The following ZNF503 variants were observed in gnomAD, a reference collection of about 807,000 sequenced individuals.
ZNF503 encodes zinc finger protein 503.
A neutral mutation model predicts 34.4 loss-of-function variants in ZNF503; 15 were observed. The observed-to-expected ratio is 0.44, with a 90% CI of 0.29 to 0.67. ZNF503 has a LOEUF of 0.67. Ranked by LOEUF, ZNF503 falls within the 30% of genes least tolerant of loss-of-function variation. ZNF503 has a pLI of 0.13. For missense variants in ZNF503, 1,007 were observed against 926.8 expected (o/e 1.09, Z -1.12); for synonymous variants, 580 against 456.8 (o/e 1.27, Z -3.44).
At chr10:75,380,175 C>G in the ZNF503 span, among the ~76,000 whole-genome samples, 2 of 152,174 alleles carry the variant, frequency 1.3e-5, no homozygotes, top group African/African-American at 4.8e-5. Context: ...CTACTTACCC[C>G]TTGGAAGACT....
the ZNF503 span, among the ~76,000 whole-genome samples, chr10:75,376,383 C>A: frequency 1.3e-5 from 2 of 152,160 alleles, no homozygotes; most frequent in Non-Finnish European, 2.9e-5. Flanking sequence ...GTGGTTCATG[C>A]CTGTAATCCT....
chr10:75,382,687 G>A, the ZNF503 span: 1 of 342,406 alleles, frequency 2.9e-6, no homozygotes, highest in Non-Finnish European at 5.8e-6. Flanking sequence ...GATCAAAAGT[G>A]GTTTTCTCTC....
At chr10:75,346,776 G>A in the ZNF503 span, among the ~76,000 whole-genome samples, 9 of 151,020 alleles carry the variant, frequency 6.0e-5, no homozygotes, top group Non-Finnish European at 7.4e-5. Flanking sequence ...GCCTACAGGC[G>A]TGCACCACCA....
chr10:75,298,976 G>A, the ZNF503 span: 1 of 151,000 alleles, frequency 6.6e-6, no homozygotes, highest in African/African-American at 2.4e-5. Context: ...TTGTTGCCCA[G>A]GCTGGAGTGC....
the ZNF503 span, among the ~76,000 whole-genome samples, chr10:75,366,384 A>G: frequency 4.6e-5 from 7 of 152,238 alleles, no homozygotes; most frequent in Admixed American, 4.6e-4. Flanking sequence ...TCTGCTCATA[A>G]TAGCCTGGCT....
chr10:75,330,459 T>C, the ZNF503 span, among the ~76,000 whole-genome samples: 1 of 152,214 alleles, frequency 6.6e-6, no homozygotes, highest in Non-Finnish European at 1.5e-5. Context: ...GGTAGAATTC[T>C]GCTGTTAAGC....
the ZNF503 span, among the ~76,000 whole-genome samples, chr10:75,391,208 C>G: frequency 6.6e-6 from 1 of 152,172 alleles, no homozygotes. Flanking sequence ...CATTTCCCAG[C>G]CTCTCTTACA....
intron 1 of ZNF503, 144 bp from the exon 2 acceptor site, chr10:75,400,518 C>T: frequency 7.0e-7 from 1 of 1,420,248 alleles, no homozygotes; most frequent in Non-Finnish European, 9.2e-7. Context: ...CTAGGCGGCA[C>T]CCCCTCTTCA....
downstream of ZNF503, among the ~76,000 whole-genome samples, chr10:75,393,594 C>T (rs1043396966): frequency 2.0e-5 from 3 of 152,210 alleles, no homozygotes; most frequent in Non-Finnish European, 4.4e-5. Context: ...CATAGTGGCT[C>T]ACGCCTGTAA....
At chr10:75,377,572 G>A in the ZNF503 span, among the ~76,000 whole-genome samples, 1 of 152,158 alleles carries the variant, frequency 6.6e-6, no homozygotes, top group Non-Finnish European at 1.5e-5. Context: ...CCGAGGTGGG[G>A]TCTTTTTAGT....
rs1022583407 is a variant in ZNF503, at chr10:75,401,737, G to C, written c.-318C>G. On this transcript the variant is annotated 5_prime_UTR_variant, in exon 1 of 2. Transcript: ENST00000372524. ...GCGCCGGCGCTGCGCTCTGCGATGC[G>C]AGCCGCTGCGTGTCCAGCCGGGGCT... is the stretch of plus-strand genomic sequence containing the variant. 8.1e-6 allele frequency: 3 copies of C among 371,526 alleles called. No homozygotes were observed. In the East Asian group the frequency reaches 1.6e-4, roughly 19 times the overall value. 23.0% of individuals were successfully genotyped at this position (371,526 alleles called of 1,614,324 possible).
the ZNF503 span, among the ~76,000 whole-genome samples, chr10:75,302,945 A>T: frequency 6.6e-6 from 1 of 152,046 alleles, no homozygotes; most frequent in Non-Finnish European, 1.5e-5. Context: ...AATATTTCTC[A>T]GTTTTTGTAT....
chr10:75,320,366 AGC>A, the ZNF503 span, among the ~76,000 whole-genome samples: 1 of 152,276 alleles, frequency 6.6e-6, no homozygotes, highest in South Asian at 2.1e-4. Context: ...CTGTAATTCC[AGC>A]TACTCAGGAG....
chr10:75,355,211 G>A, the ZNF503 span, among the ~76,000 whole-genome samples: 42 of 152,264 alleles, frequency 2.8e-4, no homozygotes, highest in South Asian at 7.0e-3. Flanking sequence ...TTTTCTACAC[G>A]TTAAAACCTT....
At chr10:75,325,892 T>G in the ZNF503 span, among the ~76,000 whole-genome samples, 1 of 151,832 alleles carries the variant, frequency 6.6e-6, no homozygotes, top group South Asian at 2.1e-4. Context: ...AGGGTCTCAC[T>G]CTGTCACCTG....
rs1267785110 is a variant in ZNF503, at chr10:75,401,138, C to T, written c.282G>A (p.Gln94=). Residue 94 remains glutamine, a synonymous_variant, in exon 1 of 2, where the codon CAG becomes CAA. Coordinates refer to ENST00000372524, the MANE Select transcript of ZNF503 (RefSeq NM_032772.6). ...GGCTGACCGGCGTGGAAGGCAGGGG[C>T]TGCAGGTACTCGGGGTGCAAAATGT... ...TGHILHPEYL[Q]PLPSTPVSPI... is the part of the protein sequence containing the mutation. 1.9e-6 allele frequency: 3 copies of T among 1,612,658 alleles called. No individual in the cohort carries two copies. Among genetic ancestry groups the T allele is most frequent in the South Asian group, 1.1e-5 (1 of 90,960 alleles).
the ZNF503 span, among the ~76,000 whole-genome samples, chr10:75,383,352 G>A: frequency 6.3e-4 from 96 of 152,224 alleles, no homozygotes; most frequent in African/African-American, 2.2e-3. Context: ...TCTACCACAG[G>A]TCCAATCCTC....
the ZNF503 span, among the ~76,000 whole-genome samples, chr10:75,321,180 C>T: frequency 6.6e-6 from 1 of 152,170 alleles, no homozygotes. Flanking sequence ...TTCCCCTTCA[C>T]CTTCTACTTG....
the ZNF503 span, among the ~76,000 whole-genome samples, chr10:75,301,277 G>T: frequency 0.043 from 6,483 of 152,120 alleles, 235 homozygotes; most frequent in East Asian, 0.21. Context: ...GTCTTGCTCT[G>T]TTGCCCAGGA....
Sources: allele counts gnomAD v4.1 joint callset (sites outside exome capture counted in the v4.1 genomes callset), GRCh38; gene constraint gnomAD v4.1.1; transcripts MANE v1.5; gene names NCBI Gene and HGNC (gene_info 2026-07-23, HGNC 2026-07-21).